The following DLGAP1 variants were observed in gnomAD, a reference collection of about 807,000 sequenced individuals.
The protein encoded by DLGAP1 is DLG associated protein 1.
In DLGAP1, 11 loss-of-function variants were observed where a neutral mutation model predicts 90.8. The observed-to-expected ratio is 0.12, with a 90% CI of 0.08 to 0.20. The LOEUF (loss-of-function observed/expected upper bound fraction) is 0.20. DLGAP1 is among the 10% of genes least tolerant of loss of function. The pLI is 1.00. For synonymous variants in DLGAP1, 558 were observed against 540.7 expected, an observed-to-expected ratio of 1.03 and a Z score of -0.44; for missense variants, 1,050 against 1,333.8, an observed-to-expected ratio of 0.79 and a Z score of 3.31.
chr18:3,680,606 T>G (rs1239741803), intron 7 of DLGAP1, among the ~76,000 whole-genome samples: 4 of 151,920 alleles, frequency 2.6e-5, no homozygotes, highest in Admixed American at 2.6e-4. Flanking sequence ...GCTAACATGG[T>G]GAAACCCCTG....
At chr18:4,188,665 A>T (rs2077342022) in intron 1 of DLGAP1, among the ~76,000 whole-genome samples, 1 of 152,146 alleles carries the variant, frequency 6.6e-6, no homozygotes, top group Non-Finnish European at 1.5e-5. Context: ...TTAAGGCTGC[A>T]TAGTATTCCA....
chr18:3,730,763 A>G (rs1216416040), intron 6 of DLGAP1, among the ~76,000 whole-genome samples: 2 of 152,248 alleles, frequency 1.3e-5, no homozygotes, highest in East Asian at 3.8e-4. Context: ...ATCAATAGAA[A>G]GAGACATACA....
intron 1 of DLGAP1, among the ~76,000 whole-genome samples, chr18:4,389,175 T>C (rs369948808): frequency 6.6e-6 from 1 of 152,130 alleles, no homozygotes; most frequent in Non-Finnish European, 1.5e-5. Context: ...TTATTATTCA[T>C]CCTTAAAAAG....
chr18:4,256,655 TTAA>T (rs1358247024), intron 1 of DLGAP1, among the ~76,000 whole-genome samples: 6 of 152,168 alleles, frequency 3.9e-5, no homozygotes, highest in Non-Finnish European at 8.8e-5. Flanking sequence ...TGAGTTTTTT[TTAA>T]TAATATAATC....
At chr18:4,279,239 T>C (rs1316598023) in intron 1 of DLGAP1, among the ~76,000 whole-genome samples, 2 of 152,234 alleles carry the variant, frequency 1.3e-5, no homozygotes, top group African/African-American at 4.8e-5. Flanking sequence ...TTCACTTCAC[T>C]TAGCAACATA....
At chr18:4,361,032 C>T (rs1384164197) in intron 1 of DLGAP1, among the ~76,000 whole-genome samples, 1 of 151,872 alleles carries the variant, frequency 6.6e-6, no homozygotes, top group African/African-American at 2.4e-5. Context: ...TAAATCTAAA[C>T]CTTATCTATA....
intron 7 of DLGAP1, among the ~76,000 whole-genome samples, chr18:3,629,270 G>A (rs1351937127): frequency 6.6e-6 from 1 of 152,064 alleles, no homozygotes; most frequent in Non-Finnish European, 1.5e-5. Context: ...AGCTGAGGTG[G>A]GAGGATCACT....
chr18:3,759,267 A>AC (rs1012114391), intron 5 of DLGAP1, among the ~76,000 whole-genome samples: 1 of 151,660 alleles, frequency 6.6e-6, no homozygotes, highest in East Asian at 1.9e-4. Context: ...CAAAAAAAAA[A>AC]AAAAACAAAA....
chr18:4,202,475 TA>T (rs2077626402), intron 1 of DLGAP1, among the ~76,000 whole-genome samples: 1 of 152,150 alleles, frequency 6.6e-6, no homozygotes, highest in Non-Finnish European at 1.5e-5. Flanking sequence ...CTTGTACCCC[TA>T]AAACTATTGA....
chr18:4,293,978 T>C (rs1012826643), intron 1 of DLGAP1: 1 of 152,212 alleles, frequency 6.6e-6, no homozygotes, highest in African/African-American at 2.4e-5. Flanking sequence ...CATCTCAAAC[T>C]ATACGTAAAT....
chr18:3,735,620 C>A (rs993654067), intron 6 of DLGAP1, among the ~76,000 whole-genome samples: 18 of 152,094 alleles, frequency 1.2e-4, no homozygotes, highest in African/African-American at 3.9e-4. Flanking sequence ...TAGTAGGAAA[C>A]AAATATGTTA....
chr18:3,934,528 A>G (rs1296466837), intron 3 of DLGAP1, among the ~76,000 whole-genome samples: 2 of 152,224 alleles, frequency 1.3e-5, no homozygotes, highest in Non-Finnish European at 2.9e-5. Context: ...AGAGAGAGAG[A>G]GAATAATACG....
chr18:4,311,054 A>C (rs957411927), intron 1 of DLGAP1, among the ~76,000 whole-genome samples: 1 of 152,176 alleles, frequency 6.6e-6, no homozygotes, highest in Non-Finnish European at 1.5e-5. Flanking sequence ...TTTTCCTTTC[A>C]AAGCCTAGGT....
chr18:3,939,726 A>T (rs1252047266), intron 3 of DLGAP1, among the ~76,000 whole-genome samples: 1 of 152,032 alleles, frequency 6.6e-6, no homozygotes. Flanking sequence ...ATGTAAGGAG[A>T]AATTGAGATA....
chr18:3,645,233 C>T (rs1437018427), intron 7 of DLGAP1, among the ~76,000 whole-genome samples: 1 of 152,168 alleles, frequency 6.6e-6, no homozygotes, highest in Non-Finnish European at 1.5e-5. Flanking sequence ...GCTGGGACTA[C>T]AGGTGCATAC....
chr18:3,627,351 G>T (rs1313257327), intron 7 of DLGAP1, among the ~76,000 whole-genome samples: 1 of 150,412 alleles, frequency 6.6e-6, no homozygotes, highest in Non-Finnish European at 1.5e-5. Context: ...GGAAGGCACT[G>T]ACCGAGTCCC....
At chr18:3,638,340 T>C (rs1350818805) in intron 7 of DLGAP1, among the ~76,000 whole-genome samples, 2 of 151,074 alleles carry the variant, frequency 1.3e-5, no homozygotes, top group Non-Finnish European at 2.9e-5. Flanking sequence ...CTTGACCTCC[T>C]GAGCTCAAGT....
intron 1 of DLGAP1, among the ~76,000 whole-genome samples, chr18:4,333,490 G>A (rs2080995868): frequency 6.6e-6 from 1 of 151,352 alleles, no homozygotes; most frequent in Non-Finnish European, 1.5e-5. Context: ...AATAGAGAGA[G>A]AGAAATAATT....
At position 3,641,582 on chromosome 18, in the gene DLGAP1, T is replaced by TACACAC. The variant is rs1251987338; in HGVS notation, c.1592-59335_1592-59334insGTGTGT. On this transcript the variant is annotated intron_variant, in intron 7 of 12. Coordinates refer to ENST00000315677, the MANE Select transcript of DLGAP1 (RefSeq NM_004746.4). The stretch of plus-strand genomic sequence containing the variant: ...GAACATAAGACAATGTACACATATA[T>TACACAC]ATATACACACACACACACACACACA... Among the ~76,000 whole-genome samples, 522 of 125,636 alleles carry TACACAC rather than the reference T, an allele frequency of 4.2e-3. 3 individuals are homozygous for TACACAC. Among genetic ancestry groups the TACACAC allele is most frequent in the African/African-American group, 0.018 (499 of 27,362 alleles). 82.4% of individuals were successfully genotyped at this position (125,636 alleles called of 152,430 possible).
Sources: allele counts gnomAD v4.1 joint callset (sites outside exome capture counted in the v4.1 genomes callset), GRCh38; gene constraint gnomAD v4.1.1; transcripts MANE v1.5; gene names NCBI Gene and HGNC (gene_info 2026-07-23, HGNC 2026-07-21).